The following BMP1 variants were observed in gnomAD, a reference collection of about 807,000 sequenced individuals.
The protein encoded by BMP1 is bone morphogenetic protein 1.
BMP1 carries 63 observed loss-of-function variants against 116.8 expected under a neutral mutation model. That is an observed-to-expected ratio of 0.54 (90% CI 0.44 to 0.67). The LOEUF (loss-of-function observed/expected upper bound fraction) is 0.67. Ranked by LOEUF, BMP1 falls within the 30% of genes least tolerant of loss-of-function variation. BMP1 has a pLI of 0.00. For missense variants in BMP1, 1,183 were observed against 1,358.9 expected, an observed-to-expected ratio of 0.87 and a Z score of 2.04; for synonymous variants, 536 against 533.4, an observed-to-expected ratio of 1.00 and a Z score of -0.07.
intron 13 of BMP1, chr8:22,196,132 T>G: frequency 4.0e-6 from 2 of 500,216 alleles, no homozygotes; most frequent in Non-Finnish European, 4.0e-6. Context: ...TTCGGGTTTT[T>G]TTTGTAAATG....
At chr8:22,200,989 T>TTCC in intron 15 of BMP1, 22 of 137,110 alleles carry the variant, frequency 1.6e-4, no homozygotes, top group South Asian at 6.1e-4. Flanking sequence ...CCGCCTGCCC[T>TTCC]CCCGCCCCAC....
At chr8:22,182,763 A>C (rs563825032) in intron 8 of BMP1, among the ~76,000 whole-genome samples, 1 of 151,666 alleles carries the variant, frequency 6.6e-6, no homozygotes, top group Non-Finnish European at 1.5e-5. Flanking sequence ...TCCGCTCCTT[A>C]CTCTCCTCCC....
chr8:22,186,614 G>A (rs1199638087), intron 8 of BMP1, among the ~76,000 whole-genome samples: 1 of 152,060 alleles, frequency 6.6e-6, no homozygotes, highest in Admixed American at 6.6e-5. Context: ...CTATAGGCAC[G>A]TGCCACCATG....
intron 15 of BMP1, 140 bp from the exon 16 acceptor site, chr8:22,201,663 G>A (rs527466836): frequency 3.9e-5 from 56 of 1,436,032 alleles, no homozygotes; most frequent in African/African-American, 1.1e-4. Context: ...TCCCACTCCC[G>A]GCCACCTGGC....
chr8:22,201,215 C>A (rs769809200), intron 15 of BMP1: 17 of 1,608,712 alleles, frequency 1.1e-5, no homozygotes, highest in East Asian at 2.2e-5. Context: ...GCCTGCCAGG[C>A]CTCCCGGACC....
intron 1 of BMP1, among the ~76,000 whole-genome samples, chr8:22,166,441 G>C (rs1291086024): frequency 6.6e-6 from 1 of 152,156 alleles, no homozygotes; most frequent in African/African-American, 2.4e-5. Flanking sequence ...AGCCCAGAAG[G>C]GTCCTGCCCC....
chr8:22,184,803 G>A (rs58792055), intron 8 of BMP1, among the ~76,000 whole-genome samples: 5,777 of 152,278 alleles, frequency 0.038, 403 homozygotes, highest in African/African-American at 0.13. Flanking sequence ...GGTGAAATTG[G>A]CATTTGGTTC....
rs372101618 is a variant in BMP1, at chr8:22,177,966, C to T, written c.836+9C>T. Reference sequence around the variant, plus strand: ...CGGAACACATTCTCCAGGTGGGAGACGGGATTGGGGCTGGGCCTCTGCTCG... The same window carrying T: ...CGGAACACATTCTCCAGGTGGGAGATGGGATTGGGGCTGGGCCTCTGCTCG... On this transcript the variant is annotated intron_variant, in intron 6 of 19. Transcript: ENST00000306385. 109 of 1,598,454 alleles carry T rather than the reference C, an allele frequency of 6.8e-5. No homozygotes were observed. The highest frequency in any genetic ancestry group is 2.4e-4 in the South Asian group (22 of 90,088).
chr8:22,176,827 G>C, intron 4 of BMP1, 134 bp from the exon 5 acceptor site: 1 of 967,240 alleles, frequency 1.0e-6, no homozygotes, highest in South Asian at 1.6e-5. Context: ...CACACAGCCT[G>C]GGCACTCGGT....
chr8:22,188,080 T>G (rs891914916), intron 8 of BMP1, among the ~76,000 whole-genome samples: 27 of 151,930 alleles, frequency 1.8e-4, no homozygotes, highest in African/African-American at 5.8e-4. Flanking sequence ...GAGGAGTATT[T>G]CCTATATTCG....
intron 1 of BMP1, among the ~76,000 whole-genome samples, chr8:22,167,514 G>A (rs1046818943): frequency 2.6e-5 from 4 of 152,180 alleles, no homozygotes; most frequent in Non-Finnish European, 5.9e-5. Flanking sequence ...AAGAATGGGT[G>A]GGAAGCCATT....
At chr8:22,177,741 ACTC>A in intron 5 of BMP1, 108 bp from the exon 6 acceptor site, 1 of 819,656 alleles carries the variant, frequency 1.2e-6, no homozygotes, top group South Asian at 1.5e-5. Flanking sequence ...AGGTAGGGGG[ACTC>A]TCTCAGATAC....
chr8:22,174,120 C>T (rs565206907), intron 2 of BMP1, among the ~76,000 whole-genome samples: 1 of 152,212 alleles, frequency 6.6e-6, no homozygotes, highest in Admixed American at 6.5e-5. Context: ...CAAGCTTTCT[C>T]ACTCCAGACC....
intron 8 of BMP1, among the ~76,000 whole-genome samples, chr8:22,187,117 A>G (rs1828793798): frequency 6.6e-6 from 1 of 150,978 alleles, no homozygotes; most frequent in African/African-American, 2.4e-5. Flanking sequence ...CAGCCTCCCA[A>G]GTAACCGGGA....
Position 22,165,564 on chromosome 8 carries a change from C to T in BMP1, c.148+11C>T, listed in dbSNP as rs1251075499. The T allele has an allele frequency of 1.3e-6, 2 of 1,571,746 alleles. No individual in the cohort carries two copies. The highest frequency in any genetic ancestry group is 1.4e-5 in the African/African-American group (1 of 71,436). Reference sequence around the variant, plus strand: ...ACCCCTGCAAGGCGGGTGAGCGCCCCCCGGCCCCCCGGCGACGGGCCAGGC... The same window carrying T: ...ACCCCTGCAAGGCGGGTGAGCGCCCTCCGGCCCCCCGGCGACGGGCCAGGC... On this transcript the variant is annotated intron_variant, in intron 1 of 19. Coordinates refer to ENST00000306385, the MANE Select transcript of BMP1 (RefSeq NM_006129.5).
Position 22,189,402 on chromosome 8 carries a change from A to T in BMP1, c.1078-2647A>T, listed in dbSNP as rs1041467994. 2.0e-5 allele frequency among the ~76,000 whole-genome samples: 3 copies of T among 149,342 alleles called. No individual in the cohort carries two copies. In the Admixed American group the frequency reaches 2.0e-4, roughly 10 times the overall value. ...TTGATTTCTCTCAATTTAATTATTC[A>T]GTTGCCCCCTGAGGTCTCTATTGAT... On this transcript the variant is annotated intron_variant, in intron 8 of 19. Coordinates refer to ENST00000306385, the MANE Select transcript of BMP1 (RefSeq NM_006129.5).
rs367978759 is a variant in BMP1, at chr8:22,207,428, C to T, written c.2487C>T (p.Pro829=). 2.2e-4 allele frequency: 348 copies of T among 1,614,098 alleles called. No homozygotes were observed. The highest frequency in any genetic ancestry group is 2.7e-4 in the Non-Finnish European group (322 of 1,180,050). ...TCTGTGGGAGCAAGAAGCCCGAGCC[C>T]GTCCTGGCCACAGGCAGCCGCATGT... ...GRFCGSKKPE[P]VLATGSRMFL... The change falls in exon 18 of 20, where the codon CCC becomes CCT. Residue 829 remains proline (P), a synonymous_variant. Coordinates refer to ENST00000306385, the MANE Select transcript of BMP1 (RefSeq NM_006129.5).
In BMP1 at chr8:22,165,571, C is replaced by A; in HGVS notation, c.148+18C>A. On this transcript the variant is annotated intron_variant, in intron 1 of 19. Transcript: ENST00000306385. The stretch of plus-strand genomic sequence containing the variant: ...CAAGGCGGGTGAGCGCCCCCCGGCC[C>A]CCCGGCGACGGGCCAGGCGGGGAGG... The A allele has an allele frequency of 6.4e-7, 1 of 1,569,822 alleles. No homozygotes were observed. Among genetic ancestry groups the A allele is most frequent in the South Asian group, 1.2e-5 (1 of 86,306 alleles).
In BMP1 at chr8:22,183,760, A is replaced by G. The variant is rs1488175999; in HGVS notation, c.1077+3277A>G. On this transcript the variant is annotated intron_variant, in intron 8 of 19. Coordinates refer to ENST00000306385, the MANE Select transcript of BMP1 (RefSeq NM_006129.5). ...ACCCGGCTAATTTTGTATTTTTAGT[A>G]GAGACGGGTTTCTCCATGTTGGTCA... Among the ~76,000 whole-genome samples, 4 of 152,182 alleles carry G rather than the reference A, an allele frequency of 2.6e-5. No homozygotes were observed. The East Asian group carries it at 5.8e-4, about 22-fold the overall frequency.
Sources: gnomAD v4.1 joint callset for allele counts (sites outside exome capture counted in the v4.1 genomes callset) on GRCh38, gnomAD v4.1.1 for gene constraint, MANE v1.5 for transcripts, NCBI Gene and HGNC (gene_info 2026-07-23, HGNC 2026-07-21) for gene names.